TBC1D5: variants seen among roughly 807,000 people sequenced by gnomAD.
The protein encoded by TBC1D5 is TBC1 domain family member 5.
TBC1D5 carries 75 observed loss-of-function variants against 100.3 expected under a neutral mutation model. The ratio of observed to expected loss-of-function variants is 0.75; its 90% CI spans 0.62 to 0.91. The LOEUF is 0.91. Among genes scored for constraint, TBC1D5 ranks in the 40% least tolerant of loss-of-function variants. The probability of loss-of-function intolerance (pLI) is 0.00; values close to 1 mark genes in which losing one functional copy is unlikely to be tolerated. For missense variants in TBC1D5, 910 were observed against 942.4 expected (o/e 0.97, Z 0.45); for synonymous variants, 323 against 325.6 (o/e 0.99, Z 0.09).
intron 3 of TBC1D5, among the ~76,000 whole-genome samples, chr3:17,503,593 T>C (rs1337294259): frequency 2.0e-5 from 3 of 149,668 alleles, no homozygotes; most frequent in Non-Finnish European, 4.4e-5. Flanking sequence ...ACTCCGATAG[T>C]TACTGGTTCT....
intron 17 of TBC1D5, among the ~76,000 whole-genome samples, chr3:17,217,568 AGT>A (rs1213061352): frequency 6.6e-6 from 1 of 151,956 alleles, no homozygotes; most frequent in Non-Finnish European, 1.5e-5. Context: ...CAGCCATCCT[AGT>A]GGGTGTGAGA....
At chr3:17,617,516 T>C (rs1241676407) in intron 2 of TBC1D5, among the ~76,000 whole-genome samples, 1 of 152,242 alleles carries the variant, frequency 6.6e-6, no homozygotes, top group Non-Finnish European at 1.5e-5. Flanking sequence ...ATTCTCCATG[T>C]CAGCTTCAGG....
At chr3:17,204,836 T>C (rs370592428) in intron 18 of TBC1D5, among the ~76,000 whole-genome samples, 5 of 152,092 alleles carry the variant, frequency 3.3e-5, no homozygotes, top group African/African-American at 7.2e-5. Flanking sequence ...CTGTTGAAAA[T>C]AGAGGGCTTT....
chr3:17,427,461 A>C (rs1278844988), intron 4 of TBC1D5, among the ~76,000 whole-genome samples: 1 of 151,964 alleles, frequency 6.6e-6, no homozygotes, highest in East Asian at 1.9e-4. Context: ...AATAAATGAC[A>C]CAGTTCCAAT....
chr3:17,391,184 C>T (rs2093339411), intron 8 of TBC1D5, among the ~76,000 whole-genome samples: 1 of 152,110 alleles, frequency 6.6e-6, no homozygotes, highest in South Asian at 2.1e-4. Context: ...CTCACATTTC[C>T]CTTCTGAGGT....
intron 3 of TBC1D5, among the ~76,000 whole-genome samples, chr3:17,486,031 A>G (rs2095562126): frequency 6.6e-6 from 1 of 151,904 alleles, no homozygotes. Flanking sequence ...AATGGTCGCC[A>G]TTCTAACTGG....
intron 14 of TBC1D5, among the ~76,000 whole-genome samples, chr3:17,304,569 G>A (rs1055179898): frequency 5.3e-5 from 8 of 152,138 alleles, no homozygotes; most frequent in Non-Finnish European, 1.0e-4. Flanking sequence ...CACTATACCC[G>A]GCCAAATTTT....
chr3:17,547,713 C>T (rs1264582634), intron 2 of TBC1D5, among the ~76,000 whole-genome samples: 2 of 152,100 alleles, frequency 1.3e-5, no homozygotes, highest in African/African-American at 4.8e-5. Flanking sequence ...TCTAACTACA[C>T]AAAAATTCAC....
At position 17,448,509 on chromosome 3, in the gene TBC1D5, G is replaced by A. The variant is rs577675455; in HGVS notation, c.98-19990C>T. 8.5e-5 allele frequency among the ~76,000 whole-genome samples: 13 copies of A among 152,310 alleles called. No homozygotes were observed. The East Asian group carries it at 2.5e-3, about 29-fold the overall frequency. ...ATGAAATGTATTTCTTAAATAATAA[G>A]ATGTGAAAGTAGAAATGACTACTTG... On this transcript the variant is annotated intron_variant, in intron 3 of 21. Transcript: ENST00000253692.
intron 1 of TBC1D5, among the ~76,000 whole-genome samples, chr3:17,648,557 G>T (rs1042787264): frequency 6.6e-6 from 1 of 152,176 alleles, no homozygotes; most frequent in Admixed American, 6.5e-5. Flanking sequence ...CAGAATGGAA[G>T]AAAATTTTTG....
chr3:17,593,630 T>C (rs999142264), intron 2 of TBC1D5, among the ~76,000 whole-genome samples: 35 of 152,230 alleles, frequency 2.3e-4, no homozygotes, highest in African/African-American at 8.4e-4. Context: ...CATGTACTCA[T>C]GGAATGCCTT....
chr3:17,175,819 C>G (rs183641312), intron 19 of TBC1D5, among the ~76,000 whole-genome samples: 1 of 152,286 alleles, frequency 6.6e-6, no homozygotes, highest in East Asian at 1.9e-4. Context: ...AAGTTAAGTG[C>G]CATTCTGCAG....
chr3:17,432,212 G>A (rs1276188675), intron 3 of TBC1D5, among the ~76,000 whole-genome samples: 1 of 151,878 alleles, frequency 6.6e-6, no homozygotes, highest in Non-Finnish European at 1.5e-5. Context: ...ATAGTAAGAT[G>A]GGGAAAAATG....
At chr3:17,237,650 G>C (rs1039083359) in intron 17 of TBC1D5, among the ~76,000 whole-genome samples, 2 of 152,156 alleles carry the variant, frequency 1.3e-5, no homozygotes, top group Non-Finnish European at 2.9e-5. Context: ...ACTTACTTTG[G>C]CTGCTTTTAG....
At chr3:17,206,840 C>G (rs1048832046) in intron 18 of TBC1D5, among the ~76,000 whole-genome samples, 37 of 152,306 alleles carry the variant, frequency 2.4e-4, no homozygotes, top group African/African-American at 8.9e-4. Context: ...AAATATCACG[C>G]AGTTTATCAG....
intron 3 of TBC1D5, among the ~76,000 whole-genome samples, chr3:17,493,705 C>T (rs751629807): frequency 4.6e-4 from 70 of 152,138 alleles, no homozygotes; most frequent in African/African-American, 1.6e-3. Context: ...CTTTCTTCCA[C>T]TTGGTGGATA....
intron 3 of TBC1D5, among the ~76,000 whole-genome samples, chr3:17,476,405 T>G (rs901896674): frequency 3.3e-5 from 5 of 152,000 alleles, no homozygotes; most frequent in African/African-American, 4.8e-5. Context: ...TGCCATTCTT[T>G]CACCACTGAT....
rs138349609 is a variant in TBC1D5 at position 17,734,559 on chromosome 3, A to G, written c.-101+4784T>C. ...TCACTATATAAACATAAGGTAGGAA[A>G]AGCCTATCTACGTAAGATACCTAAA... On this transcript the variant is annotated intron_variant, in intron 1 of 21. Transcript: ENST00000253692. 4.7e-3 allele frequency among the ~76,000 whole-genome samples: 723 copies of G among 152,380 alleles called. 3 individuals are homozygous for G. The highest frequency in any genetic ancestry group is 0.016 in the African/African-American group (681 of 41,594).
At chr3:17,250,093 TGTGCTTGTAATAATACACAGTTACCCA>T (rs1195064054) in intron 16 of TBC1D5, among the ~76,000 whole-genome samples, 1 of 152,128 alleles carries the variant, frequency 6.6e-6, no homozygotes, top group African/African-American at 2.4e-5. Context: ...TAAAATGAGG[TGTGCTTGTAATAATACACAGTTACCCA>T]GTGCTTGTAA....
Sources: allele counts gnomAD v4.1 joint callset (sites outside exome capture counted in the v4.1 genomes callset), GRCh38; gene constraint gnomAD v4.1.1; transcripts MANE v1.5; gene names NCBI Gene and HGNC (gene_info 2026-07-23, HGNC 2026-07-21).